The following MSRA variants were observed in gnomAD, a reference collection of about 807,000 sequenced individuals.
The protein encoded by MSRA is mitochondrial peptide methionine sulfoxide reductase.
Under a neutral mutation model 31.3 loss-of-function variants are expected in MSRA, and 54 were observed. The observed-to-expected ratio is 1.73, with a 90% CI of 1.39 to 2.17. MSRA has a LOEUF of 2.17. MSRA is among the 30% of genes most tolerant of loss of function. MSRA has a pLI of 0.00. For synonymous variants in MSRA, 169 were observed against 116.5 expected (o/e 1.45, Z -2.90); for missense variants, 507 against 300.9 (o/e 1.69, Z -5.07).
At chr8:10,131,631 T>C (rs572308523) in intron 1 of MSRA, among the ~76,000 whole-genome samples, 1 of 152,198 alleles carries the variant, frequency 6.6e-6, no homozygotes, top group African/African-American at 2.4e-5. Context: ...GAAATCCCTA[T>C]GGAGCTTGTT....
At chr8:10,269,417 G>A (rs577661765) in intron 3 of MSRA, among the ~76,000 whole-genome samples, 6 of 152,194 alleles carry the variant, frequency 3.9e-5, no homozygotes, top group Non-Finnish European at 5.9e-5. Flanking sequence ...GAAACAACCC[G>A]TGTTACCACT....
intron 1 of MSRA, among the ~76,000 whole-genome samples, chr8:10,199,972 A>C (rs903868822): frequency 7.9e-5 from 12 of 152,314 alleles, no homozygotes; most frequent in Admixed American, 2.6e-4. Flanking sequence ...TGCCTCACCA[A>C]GGTGGGTTAC....
intron 3 of MSRA, among the ~76,000 whole-genome samples, chr8:10,267,000 C>T (rs1798781298): frequency 6.6e-6 from 1 of 152,134 alleles, no homozygotes; most frequent in Non-Finnish European, 1.5e-5. Context: ...TTGTTATATT[C>T]CTGATTATAT....
intron 1 of MSRA, among the ~76,000 whole-genome samples, chr8:10,092,648 A>C (rs920092309): frequency 1.3e-5 from 2 of 151,092 alleles, no homozygotes; most frequent in Non-Finnish European, 2.9e-5. Flanking sequence ...GTCTCAAAAA[A>C]AAAAAAAATT....
At chr8:10,234,033 T>G (rs907315165) in intron 2 of MSRA, among the ~76,000 whole-genome samples, 41 of 152,274 alleles carry the variant, frequency 2.7e-4, no homozygotes, top group African/African-American at 9.9e-4. Context: ...TTCAAAGTAT[T>G]GATGAAATGT....
intron 2 of MSRA, among the ~76,000 whole-genome samples, chr8:10,231,771 C>T (rs1035108233): frequency 3.7e-4 from 56 of 152,008 alleles, no homozygotes; most frequent in African/African-American, 1.0e-3. Context: ...GGCGTGGTGG[C>T]GGGCGCCTAT....
intron 1 of MSRA, among the ~76,000 whole-genome samples, chr8:10,161,692 G>A (rs573449106): frequency 1.3e-3 from 197 of 152,186 alleles, no homozygotes; most frequent in Middle Eastern, 6.8e-3. Flanking sequence ...CCCGGGTTCT[G>A]CATCTGGGGT....
At chr8:10,302,693 A>C (rs909390402) in intron 4 of MSRA, among the ~76,000 whole-genome samples, 3 of 152,218 alleles carry the variant, frequency 2.0e-5, no homozygotes. Context: ...AGGGTGAGGC[A>C]GGTTCAGGAT....
chr8:10,304,528 C>T lies in MSRA; in HGVS notation c.436+2890C>T, dbSNP rs118029820. Among the ~76,000 whole-genome samples the T allele has an allele frequency of 2.8e-3, 432 of 152,276 alleles. 2 individuals are homozygous for T. The highest frequency in any genetic ancestry group is 0.011 in the South Asian group (54 of 4,826). Reference sequence around the variant, plus strand: ...ATGGAGTTGATATTCCTGGGGAACCCTGAAGGTCCAAAAACAGTGACACAT... The same window carrying T: ...ATGGAGTTGATATTCCTGGGGAACCTTGAAGGTCCAAAAACAGTGACACAT... On this transcript the variant is annotated intron_variant, in intron 4 of 5. Coordinates refer to ENST00000317173, the MANE Select transcript of MSRA (RefSeq NM_012331.5).
At chr8:10,088,223 C>T (rs1415745696) in intron 1 of MSRA, among the ~76,000 whole-genome samples, 1 of 152,170 alleles carries the variant, frequency 6.6e-6, no homozygotes, top group Non-Finnish European at 1.5e-5. Flanking sequence ...AACCCTAGTT[C>T]ACTGTTGGTG....
rs772582830 is a variant in MSRA at position 10,428,638 on chromosome 8, G to A, written c.*326G>A. On this transcript the variant is annotated 3_prime_UTR_variant, in exon 6 of 6. Transcript: ENST00000317173. ...CTGGGAGGTTGCTGGACAGGATGGG[G>A]GACCCCAGAAGTCCTTTATCTGTGC... 2 of 314,682 alleles carry A rather than the reference G, an allele frequency of 6.4e-6. No individual in the cohort carries two copies. Among genetic ancestry groups the A allele is most frequent in the Non-Finnish European group, 1.2e-5 (2 of 170,504 alleles). 19.5% of individuals were successfully genotyped at this position (314,682 alleles called of 1,614,324 possible).
chr8:10,415,524 G>A (rs1363809617), intron 5 of MSRA, among the ~76,000 whole-genome samples: 1 of 152,022 alleles, frequency 6.6e-6, no homozygotes, highest in Admixed American at 6.6e-5. Flanking sequence ...TGTGCAGCTG[G>A]GTCCCCAGAG....
chr8:10,158,760 G>T (rs1257463095), intron 1 of MSRA, among the ~76,000 whole-genome samples: 1 of 152,142 alleles, frequency 6.6e-6, no homozygotes, highest in African/African-American at 2.4e-5. Flanking sequence ...GAATGGAATT[G>T]CTGGGTCATA....
chr8:10,121,664 C>T (rs888742345), intron 1 of MSRA, among the ~76,000 whole-genome samples: 5 of 151,710 alleles, frequency 3.3e-5, no homozygotes, highest in Non-Finnish European at 5.9e-5. Flanking sequence ...TTTCTTACTC[C>T]CTCTCCCTCT....
At chr8:10,297,060 G>A (rs544374153) in intron 3 of MSRA, among the ~76,000 whole-genome samples, 30 of 152,298 alleles carry the variant, frequency 2.0e-4, no homozygotes, top group Admixed American at 7.2e-4. Flanking sequence ...CTGGAGGACT[G>A]TAAACATTGG....
At chr8:10,407,386 G>A (rs983381835) in intron 5 of MSRA, among the ~76,000 whole-genome samples, 3 of 152,218 alleles carry the variant, frequency 2.0e-5, no homozygotes, top group African/African-American at 7.2e-5. Flanking sequence ...CCAGACAAAG[G>A]TGGGTGATGG....
At chr8:10,405,684 C>A (rs986105819) in intron 5 of MSRA, among the ~76,000 whole-genome samples, 7 of 152,180 alleles carry the variant, frequency 4.6e-5, no homozygotes, top group African/African-American at 9.7e-5. Context: ...TTGGAGATGA[C>A]CTTGGAGGAA....
chr8:10,150,270 A>G (rs1047457024), intron 1 of MSRA, among the ~76,000 whole-genome samples: 9 of 152,200 alleles, frequency 5.9e-5, no homozygotes, highest in African/African-American at 2.2e-4. Flanking sequence ...ACATCTATGA[A>G]TAAAGTGACA....
At chr8:10,101,298 G>T (rs748205354) in intron 1 of MSRA, among the ~76,000 whole-genome samples, 1 of 152,036 alleles carries the variant, frequency 6.6e-6, no homozygotes, top group Non-Finnish European at 1.5e-5. Flanking sequence ...ATAGTGTCTG[G>T]TATGTAGTAA....
Sources: allele counts gnomAD v4.1 joint callset (sites outside exome capture counted in the v4.1 genomes callset), GRCh38; gene constraint gnomAD v4.1.1; transcripts MANE v1.5; gene names NCBI Gene and HGNC (gene_info 2026-07-23, HGNC 2026-07-21).